Variants in NRXN1 observed in about 807,000 individuals in gnomAD.
The protein encoded by NRXN1 is neurexin-1.
A neutral mutation model predicts 150.9 loss-of-function variants in NRXN1; 39 were observed. That is an observed-to-expected ratio of 0.26 (90% CI 0.20 to 0.34). The LOEUF (loss-of-function observed/expected upper bound fraction) is 0.34, where lower values mean the gene tolerates loss of function less well. NRXN1 is among the 10% of genes least tolerant of loss of function. The probability of loss-of-function intolerance (pLI) is 1.00; values close to 1 mark genes in which losing one functional copy is unlikely to be tolerated. For missense variants in NRXN1, 1,815 were observed against 1,949.9 expected (o/e 0.93, Z 1.30); for synonymous variants, 924 against 757.0 (o/e 1.22, Z -3.62).
intron 2 of NRXN1, among the ~76,000 whole-genome samples, chr2:51,017,893 A>C (rs1368796171): frequency 6.6e-6 from 1 of 152,098 alleles, no homozygotes; most frequent in Non-Finnish European, 1.5e-5. Context: ...TCCATACAAC[A>C]ACTATAGTCA....
intron 2 of NRXN1, among the ~76,000 whole-genome samples, chr2:50,956,518 T>C (rs1242864687): frequency 6.6e-6 from 1 of 151,932 alleles, no homozygotes; most frequent in African/African-American, 2.4e-5. Flanking sequence ...GAGGCCAAGG[T>C]GGGCAAACTG....
chr2:50,552,323 T>G (rs767680169), intron 9 of NRXN1, among the ~76,000 whole-genome samples: 5 of 152,190 alleles, frequency 3.3e-5, no homozygotes, highest in Non-Finnish European at 5.9e-5. Flanking sequence ...TTCTGCAAGA[T>G]TTGGCACTTG....
chr2:50,944,743 C>A (rs1051352918), intron 2 of NRXN1, among the ~76,000 whole-genome samples: 14 of 152,116 alleles, frequency 9.2e-5, no homozygotes, highest in African/African-American at 3.4e-4. Context: ...GCCTGTACTG[C>A]AAAGGCTAAT....
intron 2 of NRXN1, among the ~76,000 whole-genome samples, chr2:51,019,295 T>C (rs900121680): frequency 2.6e-5 from 4 of 152,056 alleles, no homozygotes; most frequent in Non-Finnish European, 5.9e-5. Context: ...AAATCGATAT[T>C]TTATAAAATT....
At chr2:50,701,337 C>A (rs1424628899) in intron 5 of NRXN1, among the ~76,000 whole-genome samples, 1 of 152,100 alleles carries the variant, frequency 6.6e-6, no homozygotes, top group Non-Finnish European at 1.5e-5. Context: ...TTGCTTTTGG[C>A]ATATACAAAC....
intron 2 of NRXN1, among the ~76,000 whole-genome samples, chr2:51,011,392 A>G (rs1667839609): frequency 6.6e-6 from 1 of 152,042 alleles, no homozygotes; most frequent in Admixed American, 6.6e-5. Flanking sequence ...ATGGGATGAT[A>G]AATTACTATA....
At chr2:50,829,194 G>A (rs1236244420) in intron 5 of NRXN1, among the ~76,000 whole-genome samples, 1 of 152,082 alleles carries the variant, frequency 6.6e-6, no homozygotes, top group South Asian at 2.1e-4. Flanking sequence ...GTCCAGCTTC[G>A]GCTTGGCATC....
chr2:50,670,688 C>A (rs1317925780), intron 5 of NRXN1, among the ~76,000 whole-genome samples: 1 of 151,824 alleles, frequency 6.6e-6, no homozygotes, highest in African/African-American at 2.4e-5. Context: ...GTCCTGTCTC[C>A]CTAATTCCCT....
At chr2:49,943,208 C>T (rs1313680396) in intron 22 of NRXN1, among the ~76,000 whole-genome samples, 2 of 152,160 alleles carry the variant, frequency 1.3e-5, no homozygotes, top group Admixed American at 6.5e-5. Context: ...AAGATATCAA[C>T]GAGTCTACCT....
chr2:50,964,087 G>T, intron 2 of NRXN1: 1 of 324,764 alleles, frequency 3.1e-6, no homozygotes, highest in Non-Finnish European at 6.2e-6. Flanking sequence ...ATGCTATTTA[G>T]TGTATGTTAT....
chr2:50,960,719 GC>G (rs1693036522), intron 2 of NRXN1, among the ~76,000 whole-genome samples: 1 of 151,858 alleles, frequency 6.6e-6, no homozygotes, highest in Non-Finnish European at 1.5e-5. Context: ...TTTACACTCT[GC>G]CTCTGGGCCT....
At chr2:50,469,038 C>T (rs2089205788) in intron 16 of NRXN1, among the ~76,000 whole-genome samples, 1 of 151,536 alleles carries the variant, frequency 6.6e-6, no homozygotes, top group African/African-American at 2.4e-5. Context: ...ATTCCAGTGC[C>T]CATTTTCTGC....
At chr2:50,843,328 G>T (rs1050430520) in intron 5 of NRXN1, among the ~76,000 whole-genome samples, 3 of 151,968 alleles carry the variant, frequency 2.0e-5, no homozygotes, top group Non-Finnish European at 4.4e-5. Flanking sequence ...TGAACAGAAG[G>T]TACAATATTT....
At chr2:50,327,357 C>T (rs532703601) in intron 17 of NRXN1, among the ~76,000 whole-genome samples, 1 of 152,226 alleles carries the variant, frequency 6.6e-6, no homozygotes, top group South Asian at 2.1e-4. Flanking sequence ...TGATAGTTAT[C>T]AGAATAGCAG....
chr2:50,033,304 G>C (rs1394417610), intron 21 of NRXN1, among the ~76,000 whole-genome samples: 1 of 151,984 alleles, frequency 6.6e-6, no homozygotes, highest in Non-Finnish European at 1.5e-5. Context: ...ACAGAACAGA[G>C]AGCCCAGAAA....
intron 17 of NRXN1, among the ~76,000 whole-genome samples, chr2:50,248,250 A>G (rs534828280): frequency 9.2e-5 from 14 of 152,228 alleles, no homozygotes; most frequent in Non-Finnish European, 1.6e-4. Flanking sequence ...TCTGGCCTCA[A>G]TAGATCTTTC....
chr2:50,166,950 A>C (rs2059725296), intron 18 of NRXN1, among the ~76,000 whole-genome samples: 1 of 152,166 alleles, frequency 6.6e-6, no homozygotes, highest in African/African-American at 2.4e-5. Flanking sequence ...AGTAGGATGG[A>C]GGCTCGGCAC....
chr2:50,559,906 T>C (rs1038031258), intron 8 of NRXN1, among the ~76,000 whole-genome samples: 5 of 152,162 alleles, frequency 3.3e-5, no homozygotes, highest in Admixed American at 1.3e-4. Flanking sequence ...ATCAAAAATG[T>C]TTTGGCCCAA....
At chr2:50,107,463 CT>C (rs1168695302) in intron 18 of NRXN1, among the ~76,000 whole-genome samples, 1 of 147,896 alleles carries the variant, frequency 6.8e-6, no homozygotes, top group Non-Finnish European at 1.5e-5. Flanking sequence ...CCACTTCTTA[CT>C]TTTTTTAGGT....
Sources: allele counts gnomAD v4.1 joint callset (sites outside exome capture counted in the v4.1 genomes callset), GRCh38; gene constraint gnomAD v4.1.1; transcripts MANE v1.5; gene names NCBI Gene and HGNC (gene_info 2026-07-23, HGNC 2026-07-21).